The following ZHX3 variants were observed in gnomAD, a reference collection of about 807,000 sequenced individuals.
The protein encoded by ZHX3 is zinc fingers and homeoboxes 3.
ZHX3 carries 20 observed loss-of-function variants against 64.5 expected under a neutral mutation model. That is an observed-to-expected ratio of 0.31 (90% CI 0.22 to 0.45). The LOEUF (loss-of-function observed/expected upper bound fraction) is 0.45. Ranked by LOEUF, ZHX3 falls within the 20% of genes least tolerant of loss-of-function variation. The probability of loss-of-function intolerance (pLI) is 1.00; values close to 1 mark genes in which losing one functional copy is unlikely to be tolerated. For missense variants in ZHX3, 1,041 were observed against 1,195.8 expected, an observed-to-expected ratio of 0.87 and a Z score of 1.91; for synonymous variants, 423 against 461.6, an observed-to-expected ratio of 0.92 and a Z score of 1.07.
chr20:41,215,965 G>T (rs1391198699), intron 2 of ZHX3, among the ~76,000 whole-genome samples: 3 of 150,224 alleles, frequency 2.0e-5, no homozygotes, highest in Non-Finnish European at 4.4e-5. Flanking sequence ...AAAAAAAAAG[G>T]AAATAATGGT....
rs2038307419 is a variant in ZHX3 at position 41,202,430 on chromosome 20, G to A, written c.2487C>T (p.Asp829=). The change falls in exon 3 of 4, where the codon GAC becomes GAT. Residue 829 remains aspartate (D), a synonymous_variant. Transcript: ENST00000683867. The surrounding 1 kb of genome is among the most constrained non-coding windows in gnomAD (Gnocchi z 7.0). ...CTGGTGGGAAGTTGCCTCGCTTATAGTCTTCGTACCATTTGAGTTGGCCGT... is the reference window on the plus strand; with the variant it reads ...CTGGTGGGAAGTTGCCTCGCTTATAATCTTCGTACCATTTGAGTTGGCCGT... ...LKNGQLKWYE[D]YKRGNFPPGL... is the part of the protein sequence containing the mutation. The A allele has an allele frequency of 6.2e-7, 1 of 1,614,068 alleles. No homozygotes were observed. The highest frequency in any genetic ancestry group is 8.5e-7 in the Non-Finnish European group (1 of 1,180,034).
In ZHX3 at chr20:41,212,553, T is replaced by C. The variant is rs980565186; in HGVS notation, c.-150-7487A>G. 1.1e-4 allele frequency among the ~76,000 whole-genome samples: 16 copies of C among 152,298 alleles called. No homozygotes were observed. The highest frequency in any genetic ancestry group is 7.8e-4 in the Admixed American group (12 of 15,294). ...TGGCTCACACCTGTAATCCTAGCAC[T>C]TTGGGAGGCCAAGGCGGGCGGATCA... On this transcript the variant is annotated intron_variant, in intron 2 of 3. Coordinates refer to ENST00000683867, the MANE Select transcript of ZHX3 (RefSeq NM_001384317.1). The surrounding 1 kb of genome is among the most constrained non-coding windows in gnomAD (Gnocchi z 4.3).
intron 1 of ZHX3, among the ~76,000 whole-genome samples, chr20:41,279,996 C>G (rs1404094478): frequency 6.6e-6 from 1 of 152,138 alleles, no homozygotes; most frequent in Non-Finnish European, 1.5e-5. Flanking sequence ...GGTGTGAGAA[C>G]AGCTCTCTGT....
At chr20:41,215,594 A>AG (rs2039462491) in intron 2 of ZHX3, among the ~76,000 whole-genome samples, 1 of 152,136 alleles carries the variant, frequency 6.6e-6, no homozygotes, top group Non-Finnish European at 1.5e-5. Flanking sequence ...GCGTTATGAT[A>AG]GTCAGCCTGC....
At chr20:41,288,301 T>A (rs2044041147) in intron 1 of ZHX3, among the ~76,000 whole-genome samples, 1 of 152,214 alleles carries the variant, frequency 6.6e-6, no homozygotes, top group African/African-American at 2.4e-5. Context: ...ATTACAGGTG[T>A]GAGCCACCGT....
chr20:41,287,257 A>G (rs2043983153), intron 1 of ZHX3, among the ~76,000 whole-genome samples: 1 of 152,152 alleles, frequency 6.6e-6, no homozygotes. Context: ...TCCCCTGACT[A>G]CACCACCCCA....
chr20:41,258,579 C>T lies in ZHX3; in HGVS notation c.-151+10411G>A, dbSNP rs564974064. 3.2e-4 allele frequency among the ~76,000 whole-genome samples: 48 copies of T among 152,216 alleles called. 1 individual carries two copies. The South Asian group carries it at 9.1e-3, about 29-fold the overall frequency. Reference sequence around the variant, plus strand: ...TTATTTTGTTGACTGTCCCTTGATTCGGGTTTGCCTGATGTTTTCTCATGA... The same window carrying T: ...TTATTTTGTTGACTGTCCCTTGATTTGGGTTTGCCTGATGTTTTCTCATGA... On this transcript the variant is annotated intron_variant, in intron 2 of 3. Transcript: ENST00000683867.
Position 41,203,589 on chromosome 20 carries a change from A to C in ZHX3, c.1328T>G (p.Leu443Arg). Residue 443 changes from leucine to arginine, a missense_variant, in exon 3 of 4, where the codon CTC (leucine) becomes CGC (arginine). Physicochemically the swap from Leu to Arg is moderately radical, Grantham distance 102. Around this residue, in one of 4 missense-constraint regions of ZHX3, gnomAD observed 649 missense variants for 739.8 expected, o/e 0.88. Coordinates refer to ENST00000683867, the MANE Select transcript of ZHX3 (RefSeq NM_001384317.1). The surrounding 1 kb of genome is among the most constrained non-coding windows in gnomAD (Gnocchi z 7.1). ...GGGGACGGATGTCACCGTGAGGGGG[A>C]GAGGGGAACTTGTTGCTTGCAACCC... ...ANGLQATSSP[L>R]PLTVTSVPKQ... 6.2e-7 allele frequency: 1 copy of C among 1,614,134 alleles called. No individual in the cohort carries two copies. Among genetic ancestry groups the C allele is most frequent in the Non-Finnish European group, 8.5e-7 (1 of 1,180,032 alleles).
chr20:41,234,938 A>G (rs935249993), intron 2 of ZHX3, among the ~76,000 whole-genome samples: 1 of 152,256 alleles, frequency 6.6e-6, no homozygotes, highest in Non-Finnish European at 1.5e-5. Context: ...ACAAACTGGC[A>G]GATAGTTCAA....
Position 41,204,324 on chromosome 20 carries a change from T to C in ZHX3, c.593A>G (p.Lys198Arg), listed in dbSNP as rs2038519301. Residue 198 changes from lysine (K) to arginine (R), a missense_variant, in exon 3 of 4, where the codon AAA becomes AGA. Coordinates refer to ENST00000683867, the MANE Select transcript of ZHX3 (RefSeq NM_001384317.1). This position sits in a 1 kb window ranked among gnomAD's most constrained non-coding sequence, Gnocchi z 6.6. The stretch of plus-strand genomic sequence containing the variant: ...GACATTCTCCTTGAGTGTATGAATT[T>C]TTTTGGCTTCAGCTTTGCCTTTCAT... ...KIMKGKAEAK[K>R]IHTLKENVPS... The C allele has an allele frequency of 6.2e-7, 1 of 1,614,186 alleles. No individual in the cohort carries two copies. The highest frequency in any genetic ancestry group is 1.1e-5 in the South Asian group (1 of 91,084).
intron 2 of ZHX3, among the ~76,000 whole-genome samples, chr20:41,262,758 C>T (rs559540835): frequency 1.3e-5 from 2 of 152,122 alleles, no homozygotes; most frequent in Non-Finnish European, 2.9e-5. Flanking sequence ...TAGCAAAATA[C>T]TTATGAGTAC....
intron 2 of ZHX3, among the ~76,000 whole-genome samples, chr20:41,242,380 C>A (rs1289264965): frequency 6.6e-6 from 1 of 152,190 alleles, no homozygotes; most frequent in South Asian, 2.1e-4. Context: ...CACAGCACAT[C>A]TGGCTGACAA....
In ZHX3 at chr20:41,203,203, G is replaced by T. The variant is rs1398437082; in HGVS notation, c.1714C>A (p.Pro572Thr). 7 of 1,614,026 alleles carry T rather than the reference G, an allele frequency of 4.3e-6. No homozygotes were observed. Among genetic ancestry groups the T allele is most frequent in the African/African-American group, 1.3e-5 (1 of 74,888 alleles). Residue 572 changes from proline (P) to threonine (T), a missense_variant, in exon 3 of 4, where the codon CCA (proline) becomes ACA (threonine). Physicochemically the swap from Pro to Thr is conservative, Grantham distance 38. Around this residue, in one of 4 missense-constraint regions of ZHX3, gnomAD observed 649 missense variants for 739.8 expected, o/e 0.88. Transcript: ENST00000683867. The surrounding 1 kb of genome is among the most constrained non-coding windows in gnomAD (Gnocchi z 7.1). Reference protein sequence around the residue: ...DHSSIIIDSVPEVSFSPSSKV... With the variant: ...DHSSIIIDSVTEVSFSPSSKV... ...GACGATGGGGAGAAGGACACCTCTG[G>T]CACAGAGTCAATGATGATGGAACTG...
Position 41,271,409 on chromosome 20 carries a change from A to C in ZHX3, c.-244-2326T>G, listed in dbSNP as rs560298702. ...CTAACTTTAAAATTGCAACACCCTT[A>C]CTCAACCAAGGCATTAGAGTTCAGT... On this transcript the variant is annotated intron_variant, in intron 1 of 3. Transcript: ENST00000683867. Among the ~76,000 whole-genome samples the C allele has an allele frequency of 2.3e-4, 35 of 152,282 alleles. 1 individual carries two copies. The highest frequency in any genetic ancestry group is 8.4e-4 in the African/African-American group (35 of 41,566).
intron 1 of ZHX3, among the ~76,000 whole-genome samples, chr20:41,312,128 G>T (rs1022523806): frequency 3.3e-5 from 5 of 152,202 alleles, no homozygotes; most frequent in Non-Finnish European, 7.3e-5. Flanking sequence ...CTTACAGGAG[G>T]ATTGTAATAT....
chr20:41,208,832 T>C (rs2038934542), intron 2 of ZHX3, among the ~76,000 whole-genome samples: 1 of 152,226 alleles, frequency 6.6e-6, no homozygotes, highest in Non-Finnish European at 1.5e-5. Context: ...TGTTGGAAGT[T>C]CTGGCCAGGG....
At chr20:41,314,298 A>G (rs978505832) in intron 1 of ZHX3, among the ~76,000 whole-genome samples, 2 of 152,216 alleles carry the variant, frequency 1.3e-5, no homozygotes, top group African/African-American at 4.8e-5. Flanking sequence ...GCAAAAGGTC[A>G]AGGATTTATT....
intron 2 of ZHX3, among the ~76,000 whole-genome samples, chr20:41,239,061 G>A (rs538301633): frequency 1.4e-5 from 2 of 141,154 alleles, no homozygotes; most frequent in South Asian, 4.6e-4. Context: ...GGAGTGCAGT[G>A]GCATGATCTC....
Position 41,232,721 on chromosome 20 carries a change from G to C in ZHX3, c.-150-27655C>G, listed in dbSNP as rs112743667. Among the ~76,000 whole-genome samples the C allele has an allele frequency of 6.6e-6, 1 of 151,994 alleles. No individual in the cohort carries two copies. The highest frequency in any genetic ancestry group is 1.5e-5 in the Non-Finnish European group (1 of 68,000). ...TCTCCTGCCTCAGCCTCCCGCGGGG[G>C]ACTACAGGCGCCCACCACCTCGCCC... is the stretch of plus-strand genomic sequence containing the variant. On this transcript the variant is annotated intron_variant, in intron 2 of 3. Transcript: ENST00000683867. This position sits in a 1 kb window ranked among gnomAD's most constrained non-coding sequence, Gnocchi z 5.0.
Sources: gnomAD v4.1 joint callset for allele counts (sites outside exome capture counted in the v4.1 genomes callset) on GRCh38, gnomAD v4.1.1 for gene constraint, gnomAD v4.1.1 regional missense constraint, Gnocchi (gnomAD v3.1) non-coding constraint, MANE v1.5 for transcripts, NCBI Gene and HGNC (gene_info 2026-07-23, HGNC 2026-07-21) for gene names.